Variants in CSMD1 observed in about 807,000 individuals in gnomAD.
CSMD1 encodes the protein CUB and sushi domain-containing protein 1.
Under a neutral mutation model 417.5 loss-of-function variants are expected in CSMD1, and 213 were observed. The observed-to-expected ratio is 0.51, with a 90% confidence interval of 0.46 to 0.57. The LOEUF is 0.57. Among genes scored for constraint, CSMD1 ranks in the 20% least tolerant of loss-of-function variants. The probability of loss-of-function intolerance (pLI) is 0.00; values close to 1 mark genes in which losing one functional copy is unlikely to be tolerated. For synonymous variants in CSMD1, 2,862 were observed against 1,736.8 expected, an observed-to-expected ratio of 1.65 and a Z score of -16.11; for missense variants, 6,923 against 4,529.7, an observed-to-expected ratio of 1.53 and a Z score of -15.17.
chr8:4,118,348 C>T (rs530124385), intron 3 of CSMD1, among the ~76,000 whole-genome samples: 1 of 151,848 alleles, frequency 6.6e-6, no homozygotes, highest in East Asian at 1.9e-4. Flanking sequence ...TTGCAATCTA[C>T]CCATCTGACA....
chr8:2,967,188 T>G (rs1039235124), intron 57 of CSMD1, among the ~76,000 whole-genome samples: 3 of 152,226 alleles, frequency 2.0e-5, no homozygotes, highest in Admixed American at 6.5e-5. Context: ...TTTTTTAAAA[T>G]CTAGGCAATT....
intron 2 of CSMD1, among the ~76,000 whole-genome samples, chr8:4,503,609 C>A (rs1445174110): frequency 1.3e-5 from 2 of 152,036 alleles, no homozygotes; most frequent in Admixed American, 1.3e-4. Flanking sequence ...TTGACCCAGC[C>A]AGCTTGAGTA....
At chr8:4,152,989 G>A (rs1281644352) in intron 3 of CSMD1, among the ~76,000 whole-genome samples, 2 of 152,092 alleles carry the variant, frequency 1.3e-5, no homozygotes, top group East Asian at 3.9e-4. Context: ...ATGACAAGGT[G>A]AACAAATCTC....
intron 5 of CSMD1, among the ~76,000 whole-genome samples, chr8:3,909,368 T>C (rs1808307169): frequency 1.3e-5 from 2 of 152,012 alleles, no homozygotes; most frequent in Admixed American, 6.6e-5. Context: ...CTCACATTCG[T>C]CAGGAGGAAC....
chr8:3,608,883 T>C (rs2981367), intron 8 of CSMD1, among the ~76,000 whole-genome samples: 114,290 of 151,986 alleles, frequency 0.75, 43,402 homozygotes, highest in Middle Eastern at 0.82. Flanking sequence ...TAAACCAAGA[T>C]TGTCCTTCTG....
chr8:4,070,939 A>G (rs542649043), intron 3 of CSMD1, among the ~76,000 whole-genome samples: 1 of 152,208 alleles, frequency 6.6e-6, no homozygotes, highest in South Asian at 2.1e-4. Flanking sequence ...GATGGCCTCC[A>G]TGGTGTTTGA....
At chr8:4,076,398 G>A (rs566169646) in intron 3 of CSMD1, among the ~76,000 whole-genome samples, 104 of 152,218 alleles carry the variant, frequency 6.8e-4, no homozygotes, top group African/African-American at 2.2e-3. Flanking sequence ...TTATAGCAGC[G>A]TAAGAATGGA....
chr8:3,392,799 C>A (rs970710582), intron 17 of CSMD1, among the ~76,000 whole-genome samples: 1 of 152,078 alleles, frequency 6.6e-6, no homozygotes, highest in Non-Finnish European at 1.5e-5. Context: ...ACCGGGTAAA[C>A]GGGGACACCC....
intron 10 of CSMD1, among the ~76,000 whole-genome samples, chr8:3,510,000 C>G (rs1348594262): frequency 6.6e-6 from 1 of 152,174 alleles, no homozygotes; most frequent in Non-Finnish European, 1.5e-5. Flanking sequence ...ATGCATCTCT[C>G]CAATTGACGT....
Position 4,505,183 on chromosome 8 carries a change from T to C in CSMD1, c.303-85118A>G, listed in dbSNP as rs573258152. On this transcript the variant is annotated intron_variant, in intron 2 of 69. Transcript: ENST00000635120. ...AACCTGGTGGCTTTAGCTTGCATTG[T>C]TTCCTCTAGATTTAAATAATCCAGT... is the stretch of plus-strand genomic sequence containing the variant. Among the ~76,000 whole-genome samples, 10 of 152,210 alleles carry C rather than the reference T, an allele frequency of 6.6e-5. No individual in the cohort carries two copies. In the South Asian group the frequency reaches 1.9e-3, roughly 28 times the overall value.
chr8:3,674,222 G>C (rs76522945), intron 7 of CSMD1, among the ~76,000 whole-genome samples: 4,399 of 152,212 alleles, frequency 0.029, 232 homozygotes, highest in African/African-American at 0.1. Flanking sequence ...ATCAAAAGCA[G>C]ATTGTATTAT....
Position 4,050,826 on chromosome 8 carries a change from A to G in CSMD1, c.416-18727T>C, listed in dbSNP as rs547428644. 1.1e-3 allele frequency among the ~76,000 whole-genome samples: 165 copies of G among 152,302 alleles called. 2 individuals carry two copies. Among genetic ancestry groups the G allele is most frequent in the Non-Finnish European group, 2.0e-3 (137 of 68,032 alleles). Reference sequence around the variant, plus strand: ...ATTTACCATCTTTATCTCAAGTGCCAATTTTTAAAATTTTAGAGAAGATTC... The same window carrying G: ...ATTTACCATCTTTATCTCAAGTGCCGATTTTTAAAATTTTAGAGAAGATTC... On this transcript the variant is annotated intron_variant, in intron 3 of 69. Transcript: ENST00000635120.
At chr8:4,079,713 G>A (rs1800022143) in intron 3 of CSMD1, among the ~76,000 whole-genome samples, 1 of 152,184 alleles carries the variant, frequency 6.6e-6, no homozygotes, top group African/African-American at 2.4e-5. Flanking sequence ...TCTTTCCATA[G>A]TATGAATAGC....
At chr8:4,302,910 G>A (rs940092970) in intron 3 of CSMD1, among the ~76,000 whole-genome samples, 1 of 151,936 alleles carries the variant, frequency 6.6e-6, no homozygotes, top group African/African-American at 2.4e-5. Context: ...TAACTCAAAA[G>A]ACAGATTTTT....
intron 3 of CSMD1, among the ~76,000 whole-genome samples, chr8:4,107,862 T>C (rs537474474): frequency 6.6e-6 from 1 of 152,260 alleles, no homozygotes; most frequent in South Asian, 2.1e-4. Flanking sequence ...CTGATGGAAA[T>C]AGAAGGAATT....
intron 5 of CSMD1, among the ~76,000 whole-genome samples, chr8:3,765,257 C>G (rs558612886): frequency 6.6e-6 from 1 of 152,272 alleles, no homozygotes; most frequent in Non-Finnish European, 1.5e-5. Context: ...GCCCTTGATC[C>G]TGTGCAGTCA....
chr8:4,682,440 G>T lies in CSMD1; in HGVS notation c.86-44882C>A, dbSNP rs1249309809. ...TTTTCAAATTTCGATGATTTGCTATGAATTTTTTTTCATAGGAATAATATT... is the reference window on the plus strand; with the variant it reads ...TTTTCAAATTTCGATGATTTGCTATTAATTTTTTTTCATAGGAATAATATT... On this transcript the variant is annotated intron_variant, in intron 1 of 69. Coordinates refer to ENST00000635120, the MANE Select transcript of CSMD1 (RefSeq NM_033225.6). Among the ~76,000 whole-genome samples the T allele has an allele frequency of 2.0e-5, 3 of 151,900 alleles. No individual in the cohort carries two copies. In the East Asian group the frequency reaches 5.8e-4, roughly 29 times the overall value.
At chr8:4,570,117 G>T (rs994254862) in intron 2 of CSMD1, among the ~76,000 whole-genome samples, 4 of 152,112 alleles carry the variant, frequency 2.6e-5, no homozygotes, top group African/African-American at 9.7e-5. Context: ...CTTCCTAATT[G>T]AATACTCTTT....
Position 3,813,355 on chromosome 8 carries a change from C to A in CSMD1, c.819-59313G>T, listed in dbSNP as rs576878798. On this transcript the variant is annotated intron_variant, in intron 5 of 69. Transcript: ENST00000635120. ...TATACTGCAAGTAAATTTGATTTTG[C>A]AATGATGTGAAGTAAATAAACAGTC... is the stretch of plus-strand genomic sequence containing the variant. Among the ~76,000 whole-genome samples the A allele has an allele frequency of 2.0e-5, 3 of 152,042 alleles. No individual in the cohort carries two copies. In the East Asian group the frequency reaches 5.8e-4, roughly 29 times the overall value.
Sources: gnomAD v4.1 joint callset for allele counts (sites outside exome capture counted in the v4.1 genomes callset) on GRCh38, gnomAD v4.1.1 for gene constraint, MANE v1.5 for transcripts, NCBI Gene and HGNC (gene_info 2026-07-23, HGNC 2026-07-21) for gene names.